Variants in SEPTIN6 observed in about 807,000 individuals in gnomAD.
The protein encoded by SEPTIN6 is septin-6.
SEPTIN6 carries 8 observed loss-of-function variants against 33.6 expected under a neutral mutation model. That is an observed-to-expected ratio of 0.24 (90% CI 0.14 to 0.43). The LOEUF (loss-of-function observed/expected upper bound fraction) is 0.43, where lower values mean the gene tolerates loss of function less well. Among genes scored for constraint, SEPTIN6 ranks in the 20% least tolerant of loss-of-function variants. The pLI is 1.00. For missense variants in SEPTIN6, 250 were observed against 340.8 expected (o/e 0.73, Z 2.10); for synonymous variants, 131 against 140.0 (o/e 0.94, Z 0.45).
intron 10 of SEPTIN6, among the ~76,000 whole-genome samples, chrX:119,624,350 T>C (rs903313628): frequency 9.1e-6 from 1 of 109,963 alleles, no homozygotes. Flanking sequence ...TAATTTTGTA[T>C]TTTTAGTAGA....
At chrX:119,662,749 G>A (rs1195069782) in intron 3 of SEPTIN6, among the ~76,000 whole-genome samples, 2 of 112,553 alleles carry the variant, frequency 1.8e-5, no homozygotes, top group Non-Finnish European at 1.9e-5. Flanking sequence ...TTGAACATTA[G>A]TTACAGAGCT....
intron 1 of SEPTIN6, chrX:119,686,503 G>T: frequency 1.5e-6 from 1 of 669,744 alleles, no homozygotes; most frequent in Non-Finnish European, 2.1e-6. Flanking sequence ...GCATAATTCA[G>T]CAGATGGCTG....
intron 4 of SEPTIN6, 81 bp downstream of exon 4, chrX:119,652,773 C>T (rs1385462135): frequency 1.2e-6 from 1 of 852,195 alleles, no homozygotes; most frequent in Non-Finnish European, 1.7e-6. Context: ...TGCCACAAAT[C>T]TCTCCCGGAA....
At chrX:119,616,104 G>A, downstream of SEPTIN6, 1 of 191,155 alleles carries the variant, frequency 5.2e-6, no homozygotes, top group Non-Finnish European at 9.9e-6. Context: ...ACCCTAACTG[G>A]TCTCGGAAGG....
At chrX:119,627,858 G>A (rs1476550018) in intron 9 of SEPTIN6, among the ~76,000 whole-genome samples, 1 of 91,780 alleles carries the variant, frequency 1.1e-5, no homozygotes, top group East Asian at 3.5e-4. Flanking sequence ...GGAGTGCAAT[G>A]GTGCTATCTT....
intron 3 of SEPTIN6, among the ~76,000 whole-genome samples, chrX:119,655,885 A>G (rs1459146006): frequency 8.9e-6 from 1 of 112,462 alleles, no homozygotes; most frequent in Non-Finnish European, 1.9e-5. Flanking sequence ...GTAACAATCT[A>G]TAGTAATGTT....
In SEPTIN6 at chrX:119,663,575, G is replaced by A. The variant is rs1209292665; in HGVS notation, c.248C>T (p.Ser83Phe). ...THTQPGVQLQ[S>F]NTYDLQESNV... is the part of the protein sequence containing the mutation. Reference sequence around the variant, plus strand: ...GCTCTCTTGGAGGTCATAGGTATTAGACTGGAGCTGGACACCCGGCTGTGT... The same window carrying A: ...GCTCTCTTGGAGGTCATAGGTATTAAACTGGAGCTGGACACCCGGCTGTGT... The change falls in exon 3 of 11, where the codon TCT (serine) becomes TTT (phenylalanine). Residue 83 changes from serine (S) to phenylalanine (F), a missense_variant. Coordinates refer to ENST00000394610, the MANE Select transcript of SEPTIN6 (RefSeq NM_145799.4). 2 of 1,208,992 alleles carry A rather than the reference G, an allele frequency of 1.7e-6. No individual in the cohort carries two copies. The highest frequency in any genetic ancestry group is 4.4e-5 in the Admixed American group (2 of 45,809).
chrX:119,635,008 CAAAAAAAA>C, intron 7 of SEPTIN6: 1 of 149,487 alleles, frequency 6.7e-6, no homozygotes, highest in South Asian at 6.1e-5. Context: ...GACTCTGTCT[CAAAAAAAA>C]AAAAAAAAAA....
intron 1 of SEPTIN6, among the ~76,000 whole-genome samples, chrX:119,683,781 T>C (rs2055004178): frequency 9.0e-6 from 1 of 111,375 alleles, no homozygotes; most frequent in South Asian, 3.7e-4. Context: ...GGTAGGAAAG[T>C]GGCCTCAGGT....
intron 5 of SEPTIN6, 99 bp from the exon 6 acceptor site, chrX:119,640,887 C>T (rs2054150326): frequency 1.7e-6 from 1 of 572,095 alleles, no homozygotes; most frequent in African/African-American, 2.2e-5. Flanking sequence ...CAGGCCCTCA[C>T]CCTGCAATGT....
intron 9 of SEPTIN6, 156 bp from the exon 10 acceptor site, chrX:119,625,535 A>C: frequency 2.3e-6 from 1 of 436,037 alleles, no homozygotes; most frequent in Non-Finnish European, 4.0e-6. Flanking sequence ...CCCCTGAAAC[A>C]CTGATACTCT....
chrX:119,642,215 A>G (rs969147687), intron 5 of SEPTIN6, among the ~76,000 whole-genome samples: 1 of 109,967 alleles, frequency 9.1e-6, no homozygotes, highest in African/African-American at 3.3e-5. Context: ...CAAGGTTGTA[A>G]ACAGAGGCTA....
At chrX:119,639,897 G>A (rs1156533628) in intron 6 of SEPTIN6, among the ~76,000 whole-genome samples, 7 of 110,340 alleles carry the variant, frequency 6.3e-5, no homozygotes, top group Non-Finnish European at 1.3e-4. Flanking sequence ...TCTACCTCCC[G>A]GGTTCAAGCG....
intron 8 of SEPTIN6, among the ~76,000 whole-genome samples, chrX:119,630,520 A>G (rs1181207839): frequency 8.9e-6 from 1 of 112,434 alleles, no homozygotes; most frequent in African/African-American, 3.2e-5. Context: ...GGGAGGCTTA[A>G]TTAGTCCTGA....
In SEPTIN6 at chrX:119,668,399, G is replaced by A. The variant is rs150246610; in HGVS notation, c.146-4722C>T. Among the ~76,000 whole-genome samples, 175 of 112,136 alleles carry A rather than the reference G, an allele frequency of 1.6e-3. 1 individual carries two copies. Among genetic ancestry groups the A allele is most frequent in the African/African-American group, 5.5e-3 (171 of 30,870 alleles). On this transcript the variant is annotated intron_variant, in intron 2 of 10. Coordinates refer to ENST00000394610, the MANE Select transcript of SEPTIN6 (RefSeq NM_145799.4). ...CCAGGTTATCACTAAGTTACTTTGTGACATGAACTGAGCTCTTTCCCCTCT... is the reference window on the plus strand; with the variant it reads ...CCAGGTTATCACTAAGTTACTTTGTAACATGAACTGAGCTCTTTCCCCTCT...
intron 8 of SEPTIN6, among the ~76,000 whole-genome samples, chrX:119,632,480 G>A (rs2053983172): frequency 1.8e-5 from 2 of 109,719 alleles, no homozygotes; most frequent in South Asian, 3.9e-4. Flanking sequence ...ACAGGCGTGA[G>A]CCACCGCGCC....
chrX:119,633,735 T>G (rs2054007980), intron 7 of SEPTIN6, among the ~76,000 whole-genome samples: 1 of 111,960 alleles, frequency 8.9e-6, no homozygotes, highest in Non-Finnish European at 1.9e-5. Context: ...GGTTCTATAC[T>G]CTTGTTCTAC....
At chrX:119,621,448 T>G (rs1426889487) in intron 10 of SEPTIN6, among the ~76,000 whole-genome samples, 1 of 62,911 alleles carries the variant, frequency 1.6e-5, no homozygotes, top group African/African-American at 6.6e-5. Context: ...CCAGAGCTGG[T>G]GTGTGTGTGT....
At chrX:119,624,244 C>T (rs763570502) in intron 10 of SEPTIN6, among the ~76,000 whole-genome samples, 13 of 106,925 alleles carry the variant, frequency 1.2e-4, no homozygotes, top group East Asian at 5.8e-4. Context: ...GGTGCGATCT[C>T]GGCTCACTGC....
Sources: allele counts gnomAD v4.1 joint callset (sites outside exome capture counted in the v4.1 genomes callset), GRCh38; gene constraint gnomAD v4.1.1; transcripts MANE v1.5; gene names NCBI Gene and HGNC (gene_info 2026-07-23, HGNC 2026-07-21).